The following DAPK1 variants were observed in gnomAD, a reference collection of about 807,000 sequenced individuals.
DAPK1 encodes death-associated protein kinase 1.
DAPK1 carries 56 observed loss-of-function variants against 144.9 expected under a neutral mutation model. That is an observed-to-expected ratio of 0.39 (90% CI 0.31 to 0.48). The LOEUF is 0.48. Among genes scored for constraint, DAPK1 ranks in the 20% least tolerant of loss-of-function variants. DAPK1 has a pLI of 0.95. For missense variants in DAPK1, 1,454 were observed against 1,875.4 expected, an observed-to-expected ratio of 0.78 and a Z score of 4.15; for synonymous variants, 690 against 749.0, an observed-to-expected ratio of 0.92 and a Z score of 1.29.
At chr9:87,532,649 ATG>A (rs1825735817) in intron 2 of DAPK1, among the ~76,000 whole-genome samples, 1 of 152,232 alleles carries the variant, frequency 6.6e-6, no homozygotes, top group Non-Finnish European at 1.5e-5. Context: ...AATGAAAGAA[ATG>A]TGTAAACTGT....
chr9:87,647,705 C>T (rs1048602841), intron 14 of DAPK1, among the ~76,000 whole-genome samples: 1 of 152,170 alleles, frequency 6.6e-6, no homozygotes, highest in African/African-American at 2.4e-5. Context: ...GGTCTCGATT[C>T]GATTTTCTTC....
intron 2 of DAPK1, among the ~76,000 whole-genome samples, chr9:87,537,847 C>T (rs966661495): frequency 2.6e-5 from 4 of 151,974 alleles, no homozygotes; most frequent in Non-Finnish European, 5.9e-5. Context: ...AAATCAAGCC[C>T]CTAAAGCTAT....
At position 87,506,360 on chromosome 9, in the gene DAPK1, C is replaced by T. The variant is rs187712473; in HGVS notation, c.62+7221C>T. ...GTCTGCCCTTTGAGCTCAGAACTTT[C>T]GCAGGCCTTAACGACACACTGGGAC... On this transcript the variant is annotated intron_variant, in intron 2 of 25. Transcript: ENST00000408954. 1.6e-3 allele frequency among the ~76,000 whole-genome samples: 250 copies of T among 152,332 alleles called. 2 individuals carry two copies. The highest frequency in any genetic ancestry group is 3.4e-3 in the Middle Eastern group (1 of 294).
chr9:87,515,771 C>T (rs1390143776), intron 2 of DAPK1, among the ~76,000 whole-genome samples: 1 of 152,160 alleles, frequency 6.6e-6, no homozygotes, highest in Non-Finnish European at 1.5e-5. Flanking sequence ...AAGGGGACCA[C>T]GTGGGTAACA....
In DAPK1 at chr9:87,706,377, C is replaced by T. The variant is rs756760419; in HGVS notation, c.3306C>T (p.Asp1102=). Residue 1102 remains aspartate, a synonymous_variant, in exon 26 of 26, where the codon GAC becomes GAT. Transcript: ENST00000408954. The surrounding 1 kb of genome is among the most constrained non-coding windows in gnomAD (Gnocchi z 9.0). ...ACCTGAGCAGCGGGACCATGGTGGACGTCCCAGCCCTGATCAAGACAGACA... is the reference window on the plus strand; with the variant it reads ...ACCTGAGCAGCGGGACCATGGTGGATGTCCCAGCCCTGATCAAGACAGACA... ...ARDLSSGTMV[D]VPALIKTDNL... is the part of the protein sequence containing the mutation. 16 of 1,610,038 alleles carry T rather than the reference C, an allele frequency of 9.9e-6. No homozygotes were observed. In the Admixed American group the frequency reaches 2.2e-4, roughly 22 times the overall value.
At chr9:87,569,191 G>A (rs2118728160) in intron 2 of DAPK1, among the ~76,000 whole-genome samples, 1 of 152,278 alleles carries the variant, frequency 6.6e-6, no homozygotes, top group Admixed American at 6.5e-5. Context: ...GGAGTCTGGT[G>A]AGGGCATCTG....
intron 3 of DAPK1, among the ~76,000 whole-genome samples, chr9:87,618,113 C>A (rs11141913): frequency 0.039 from 5,961 of 152,272 alleles, 142 homozygotes; most frequent in Middle Eastern, 0.048. Context: ...GTTGAGCTCA[C>A]CCCTGGATTC....
At chr9:87,689,333 T>C (rs1195242907) in intron 21 of DAPK1, among the ~76,000 whole-genome samples, 1 of 152,208 alleles carries the variant, frequency 6.6e-6, no homozygotes, top group Non-Finnish European at 1.5e-5. Flanking sequence ...TTTTGGTTAC[T>C]GTAGACCTTT....
chr9:87,619,732 C>T (rs956076908), intron 3 of DAPK1, among the ~76,000 whole-genome samples: 1 of 152,204 alleles, frequency 6.6e-6, no homozygotes, highest in Non-Finnish European at 1.5e-5. Context: ...CTCCACGGGA[C>T]AGGCATTGAG....
At chr9:87,522,357 A>G (rs1350130805) in intron 2 of DAPK1, among the ~76,000 whole-genome samples, 3 of 152,196 alleles carry the variant, frequency 2.0e-5, no homozygotes, top group Non-Finnish European at 4.4e-5. Flanking sequence ...TATATATTCT[A>G]TGTGTATTTA....
intron 2 of DAPK1, among the ~76,000 whole-genome samples, chr9:87,549,604 A>G (rs1439718432): frequency 6.6e-6 from 1 of 152,168 alleles, no homozygotes; most frequent in African/African-American, 2.4e-5. Context: ...TTTTACAAAG[A>G]ATGTAGAATG....
At chr9:87,505,067 G>A (rs984066570) in intron 2 of DAPK1, among the ~76,000 whole-genome samples, 1 of 152,160 alleles carries the variant, frequency 6.6e-6, no homozygotes, top group Non-Finnish European at 1.5e-5. Flanking sequence ...CCTCCTAGCA[G>A]AGTTGTAATC....
At chr9:87,701,671 G>A (rs911163338) in intron 24 of DAPK1, among the ~76,000 whole-genome samples, 1 of 151,958 alleles carries the variant, frequency 6.6e-6, no homozygotes, top group Non-Finnish European at 1.5e-5. Flanking sequence ...GGACAAATGC[G>A]GGCAGATGCC....
At chr9:87,505,334 T>G (rs142240657) in intron 2 of DAPK1, among the ~76,000 whole-genome samples, 11 of 152,364 alleles carry the variant, frequency 7.2e-5, no homozygotes, top group African/African-American at 1.9e-4. Context: ...GTGGTTTCCA[T>G]TGGGGAAGAG....
At chr9:87,639,216 C>T (rs1188771081) in intron 4 of DAPK1, 138 bp from the exon 5 acceptor site, 1 of 748,732 alleles carries the variant, frequency 1.3e-6, no homozygotes, top group African/African-American at 1.8e-5. Flanking sequence ...CATGTATTTT[C>T]CTGCTGTTCT....
At chr9:87,643,525 C>A in intron 11 of DAPK1, 57 bp downstream of exon 11, 1 of 1,113,560 alleles carries the variant, frequency 9.0e-7, no homozygotes, top group Non-Finnish European at 1.3e-6. Context: ...CTCAGAATGA[C>A]CAAGCTGTTC....
chr9:87,532,689 T>C (rs1825737567), intron 2 of DAPK1, among the ~76,000 whole-genome samples: 1 of 152,308 alleles, frequency 6.6e-6, no homozygotes, highest in East Asian at 1.9e-4. Context: ...GCATTCATAA[T>C]AGAGCCAGCT....
chr9:87,681,031 C>A (rs546345401), intron 19 of DAPK1, among the ~76,000 whole-genome samples: 77 of 152,332 alleles, frequency 5.1e-4, no homozygotes, highest in African/African-American at 1.8e-3. Context: ...GTAATCCCAG[C>A]ACTTTGGGAG....
chr9:87,668,582 A>G lies in DAPK1; in HGVS notation c.1924-15A>G. ...CTTTTCAGAGAAAAGAAACTAATGC[A>G]TTTTTCTCCAACAGGACGGAAAGAC... On this transcript the variant is annotated splice_polypyrimidine_tract_variant and intron_variant, in intron 18 of 25. Coordinates refer to ENST00000408954, the MANE Select transcript of DAPK1 (RefSeq NM_004938.4). The G allele has an allele frequency of 4.1e-6, 5 of 1,219,516 alleles. No homozygotes were observed. The highest frequency in any genetic ancestry group is 6.1e-6 in the Non-Finnish European group (5 of 818,956). The allele number at this position is 1,219,516 out of a possible 1,614,324, so 75.5% of individuals were successfully genotyped here.
Sources: allele counts gnomAD v4.1 joint callset (sites outside exome capture counted in the v4.1 genomes callset), GRCh38; gene constraint gnomAD v4.1.1; non-coding constraint Gnocchi (gnomAD v3.1); transcripts MANE v1.5; gene names NCBI Gene and HGNC (gene_info 2026-07-23, HGNC 2026-07-21).